Variants in CELF6 observed in about 807,000 individuals in gnomAD.
CELF6 encodes the protein CUGBP Elav-like family member 6.
In CELF6, 32 loss-of-function variants were observed where a neutral mutation model predicts 53.1. That is an observed-to-expected ratio of 0.60 (90% CI 0.46 to 0.81). CELF6 has a LOEUF of 0.81. Among genes scored for constraint, CELF6 ranks in the 30% least tolerant of loss-of-function variants. CELF6 has a pLI of 0.00. For synonymous variants in CELF6, 291 were observed against 288.8 expected, an observed-to-expected ratio of 1.01 and a Z score of -0.08; for missense variants, 539 against 669.5, an observed-to-expected ratio of 0.81 and a Z score of 2.15.
intron 2 of CELF6, among the ~76,000 whole-genome samples, chr15:72,308,934 C>A (rs935170571): frequency 1.2e-4 from 18 of 151,770 alleles, no homozygotes; most frequent in African/African-American, 3.6e-4. Context: ...AAACTCCTGA[C>A]CTGTGGTCTT....
chr15:72,306,434 C>G (rs1055429700), intron 2 of CELF6: 1 of 307,600 alleles, frequency 3.3e-6, no homozygotes, highest in African/African-American at 2.3e-5. Context: ...AGACAACAGG[C>G]AGCTTCCTGT....
Position 72,288,691 on chromosome 15 carries a change from G to T in CELF6, c.1094-73C>A. The T allele has an allele frequency of 6.9e-7, 1 of 1,452,056 alleles. No homozygotes were observed. Among genetic ancestry groups the T allele is most frequent in the South Asian group, 1.3e-5 (1 of 78,232 alleles). 89.9% of individuals were successfully genotyped at this position (1,452,056 alleles called of 1,614,324 possible). ...CAAGCAGGGCCCCAACTGCCTGGCCGCTTTTGACCAATTCAGCCCAGTCCA... is the reference window on the plus strand; with the variant it reads ...CAAGCAGGGCCCCAACTGCCTGGCCTCTTTTGACCAATTCAGCCCAGTCCA... On this transcript the variant is annotated intron_variant, in intron 9 of 12. Coordinates refer to ENST00000287202, the MANE Select transcript of CELF6 (RefSeq NM_052840.5). The surrounding 1 kb of genome is among the most constrained non-coding windows in gnomAD (Gnocchi z 4.6).
chr15:72,319,985 AG>A lies in CELF6; in HGVS notation c.-112del. The stretch of plus-strand genomic sequence containing the variant: ...GGGAGGGGGCGGAGCCCGGGCGGAG[AG>A]GGCGGGGGGCTGCCCAGGGGGCGGG... On this transcript the variant is annotated 5_prime_UTR_variant, in exon 1 of 13. Coordinates refer to ENST00000287202, the MANE Select transcript of CELF6 (RefSeq NM_052840.5). The surrounding 1 kb of genome is among the most constrained non-coding windows in gnomAD (Gnocchi z 5.0). The A allele has an allele frequency of 1.1e-6, 1 of 949,054 alleles. No homozygotes were observed. Among genetic ancestry groups the A allele is most frequent in the East Asian group, 8.8e-5 (1 of 11,312 alleles). The allele number at this position is 949,054 out of a possible 1,614,324, so 58.8% of individuals were successfully genotyped here. A position where few individuals can be genotyped will look rare whatever the true frequency, so the allele number is the denominator to read the frequency against.
Position 72,288,286 on chromosome 15 carries a change from T to G in CELF6, c.1318+22A>C, listed in dbSNP as rs200511432. Reference sequence around the variant, plus strand: ...TTTATAGTCAGAGGTGGGAGAGGCCTAGGGGTAGGTTCTCAGCTCACCAAA... The same window carrying G: ...TTTATAGTCAGAGGTGGGAGAGGCCGAGGGGTAGGTTCTCAGCTCACCAAA... On this transcript the variant is annotated intron_variant, in intron 11 of 12. Coordinates refer to ENST00000287202, the MANE Select transcript of CELF6 (RefSeq NM_052840.5). The surrounding 1 kb of genome is among the most constrained non-coding windows in gnomAD (Gnocchi z 4.6). 7.3e-5 allele frequency: 117 copies of G among 1,613,204 alleles called. No homozygotes were observed. Among genetic ancestry groups the G allele is most frequent in the Non-Finnish European group, 9.5e-5 (112 of 1,179,496 alleles).
chr15:72,290,088 G>A, intron 4 of CELF6, 39 bp downstream of exon 4: 1 of 1,613,168 alleles, frequency 6.2e-7, no homozygotes, highest in Non-Finnish European at 8.5e-7. Flanking sequence ...CCAGAGTGAG[G>A]AAGGGTCACC....
intron 2 of CELF6, chr15:72,306,285 C>G: frequency 1.0e-6 from 1 of 985,268 alleles, no homozygotes; most frequent in Non-Finnish European, 1.2e-6. Flanking sequence ...AAAACAGCGG[C>G]CTTCCCGTTC....
chr15:72,308,352 C>G (rs1269157778), intron 2 of CELF6, among the ~76,000 whole-genome samples: 1 of 152,028 alleles, frequency 6.6e-6, no homozygotes, highest in African/African-American at 2.4e-5. Context: ...CTCAGCCTCC[C>G]GAGTAGCTGG....
At chr15:72,296,927 A>C (rs1461497091) in intron 3 of CELF6, among the ~76,000 whole-genome samples, 1 of 152,202 alleles carries the variant, frequency 6.6e-6, no homozygotes, top group African/African-American at 2.4e-5. Context: ...TTACCATATG[A>C]TCTAGCAATA....
intron 3 of CELF6, among the ~76,000 whole-genome samples, chr15:72,294,066 C>T (rs956707875): frequency 7.2e-5 from 11 of 152,172 alleles, no homozygotes; most frequent in African/African-American, 2.7e-4. Flanking sequence ...CTGCCTTGTG[C>T]AGCTGGTCAT....
intron 2 of CELF6, among the ~76,000 whole-genome samples, chr15:72,306,882 G>A (rs897489776): frequency 5.5e-4 from 84 of 152,280 alleles, no homozygotes; most frequent in African/African-American, 2.0e-3. Context: ...GACACAGGGA[G>A]AGATGAAGAA....
chr15:72,311,959 T>C (rs1281846741), intron 2 of CELF6, among the ~76,000 whole-genome samples: 1 of 152,218 alleles, frequency 6.6e-6, no homozygotes, highest in Non-Finnish European at 1.5e-5. Flanking sequence ...AGGGCACAAC[T>C]TGCAAAAGCA....
chr15:72,288,323 G>A lies in CELF6; in HGVS notation c.1303C>T (p.Gln435Ter). ...AKVFVDRATNQSKCFGFVSFD... is the reference protein window; with the variant it reads ...AKVFVDRATN Reference sequence around the variant, plus strand: ...CTCAGCTCACCAAAACACTTGCTCTGGTTGGTGGCTCGATCCACAAAGACT... The same window carrying A: ...CTCAGCTCACCAAAACACTTGCTCTAGTTGGTGGCTCGATCCACAAAGACT... The change falls in exon 11 of 13, where the codon CAG (glutamine) becomes TAG (stop). Residue 435 changes from glutamine (Q) to a stop codon, truncating the protein, a stop_gained. Coordinates refer to ENST00000287202, the MANE Select transcript of CELF6 (RefSeq NM_052840.5). LOFTEE classifies it high-confidence loss of function. This position sits in a 1 kb window ranked among gnomAD's most constrained non-coding sequence, Gnocchi z 4.6. 6.2e-7 allele frequency: 1 copy of A among 1,614,168 alleles called. No homozygotes were observed. Among genetic ancestry groups the A allele is most frequent in the Non-Finnish European group, 8.5e-7 (1 of 1,180,026 alleles).
Position 72,289,503 on chromosome 15 carries a change from A to T in CELF6, c.752T>A (p.Leu251Gln), listed in dbSNP as rs768174997. Reference protein sequence around the residue: ...GACGAYTTAILQHQAALLAAA... With the variant: ...GACGAYTTAIQQHQAALLAAA... ...CGCCAGCAGGGCCGCCTGGTGCTGCAGGATCTTTGAGAGGAAAGATGGGCG... is the reference window on the plus strand; with the variant it reads ...CGCCAGCAGGGCCGCCTGGTGCTGCTGGATCTTTGAGAGGAAAGATGGGCG... Residue 251 changes from leucine (L) to glutamine (Q), a missense_variant, in exon 7 of 13, where the codon CTG becomes CAG. By Grantham distance (113) the Leu-to-Gln change is moderately radical. Transcript: ENST00000287202. The surrounding 1 kb of genome is among the most constrained non-coding windows in gnomAD (Gnocchi z 7.6). 3.7e-5 allele frequency: 56 copies of T among 1,514,208 alleles called. No homozygotes were observed. The highest frequency in any genetic ancestry group is 4.9e-5 in the South Asian group (4 of 82,124). The allele number at this position is 1,514,208 out of a possible 1,614,324, so 93.8% of individuals were successfully genotyped here.
Position 72,289,238 on chromosome 15 carries a change from C to G in CELF6, c.930G>C (p.Pro310=), listed in dbSNP as rs1048414809. The G allele has an allele frequency of 1.3e-5, 21 of 1,578,904 alleles. No homozygotes were observed. The highest frequency in any genetic ancestry group is 1.7e-5 in the Non-Finnish European group (20 of 1,167,972). Reference sequence around the variant, plus strand: ...CGAATCCATTGACCCCGATGGGCGCCGGAAGACCTGGGAGGGTGCCAGGGC... The same window carrying G: ...CGAATCCATTGACCCCGATGGGCGCGGGAAGACCTGGGAGGGTGCCAGGGC... ...GSGPGTLPGL[P]APIGVNGFGP... is the part of the protein sequence containing the mutation. The change falls in exon 8 of 13, where the codon CCG becomes CCC. Residue 310 remains proline (P), a synonymous_variant. Coordinates refer to ENST00000287202, the MANE Select transcript of CELF6 (RefSeq NM_052840.5). The surrounding 1 kb of genome is among the most constrained non-coding windows in gnomAD (Gnocchi z 7.6).
chr15:72,288,697 G>T lies in CELF6; in HGVS notation c.1094-79C>A. The T allele has an allele frequency of 7.0e-7, 1 of 1,437,652 alleles. No homozygotes were observed. The highest frequency in any genetic ancestry group is 1.3e-5 in the South Asian group (1 of 78,170). The allele number at this position is 1,437,652 out of a possible 1,614,324, so 89.1% of individuals were successfully genotyped here. ...GGGCCCCAACTGCCTGGCCGCTTTT[G>T]ACCAATTCAGCCCAGTCCACCATAA... is the stretch of plus-strand genomic sequence containing the variant. On this transcript the variant is annotated intron_variant, in intron 9 of 12. Coordinates refer to ENST00000287202, the MANE Select transcript of CELF6 (RefSeq NM_052840.5). This position sits in a 1 kb window ranked among gnomAD's most constrained non-coding sequence, Gnocchi z 4.6.
chr15:72,285,811 T>G lies in CELF6; in HGVS notation c.*560A>C, dbSNP rs368337850. On this transcript the variant is annotated 3_prime_UTR_variant, in exon 13 of 13. Coordinates refer to ENST00000287202, the MANE Select transcript of CELF6 (RefSeq NM_052840.5). ...GGTGGGGGAGTGGCTTAAGAGGGAA[T>G]GAGACACAGAACAATCTTTCCACAG... is the stretch of plus-strand genomic sequence containing the variant. The G allele has an allele frequency of 6.6e-6, 1 of 152,620 alleles. No individual in the cohort carries two copies. The highest frequency in any genetic ancestry group is 2.1e-4 in the South Asian group (1 of 4,828). The allele number at this position is 152,620 out of a possible 1,614,324, so 9.5% of individuals were successfully genotyped here.
rs530363410 is a variant in CELF6, at chr15:72,291,528, G to A, written c.395-1273C>T. ...TGACCAGCTTGGCTAGGCAGATGGGGGTCCTTGGATTCTGAGTGCAGGGAA... is the reference window on the plus strand; with the variant it reads ...TGACCAGCTTGGCTAGGCAGATGGGAGTCCTTGGATTCTGAGTGCAGGGAA... On this transcript the variant is annotated intron_variant, in intron 3 of 12. Coordinates refer to ENST00000287202, the MANE Select transcript of CELF6 (RefSeq NM_052840.5). 3.9e-5 allele frequency among the ~76,000 whole-genome samples: 6 copies of A among 152,282 alleles called. No homozygotes were observed. In the South Asian group the frequency reaches 1.2e-3, roughly 32 times the overall value.
intron 2 of CELF6, among the ~76,000 whole-genome samples, chr15:72,305,421 A>T (rs2088213090): frequency 6.6e-6 from 1 of 152,108 alleles, no homozygotes; most frequent in Non-Finnish European, 1.5e-5. Context: ...TGGCTAAGTT[A>T]TTCTTGAACT....
chr15:72,289,618 GGTACCTACCGCCGTGGT>G lies in CELF6; in HGVS notation c.739_747+8del. Reference sequence around the variant, plus strand: ...TGCGCGCCCTCGCACGCAGGTGCCCGGTACCTACCGCCGTGGTGTAGGCGCCGCAGGCCCCTAGCGGC... The same window carrying G: ...TGCGCGCCCTCGCACGCAGGTGCCCGGTAGGCGCCGCAGGCCCCTAGCGGC... On this transcript the variant is annotated splice_donor_variant and splice_donor_5th_base_variant and coding_sequence_variant and intron_variant, in exon 6 of 13. Coordinates refer to ENST00000287202, the MANE Select transcript of CELF6 (RefSeq NM_052840.5). LOFTEE classifies it high-confidence loss of function. This position sits in a 1 kb window ranked among gnomAD's most constrained non-coding sequence, Gnocchi z 7.6. 6.7e-7 allele frequency: 1 copy of G among 1,500,646 alleles called. No homozygotes were observed. The highest frequency in any genetic ancestry group is 8.8e-7 in the Non-Finnish European group (1 of 1,133,250). The allele number at this position is 1,500,646 out of a possible 1,614,324, so 93.0% of individuals were successfully genotyped here. A position where few individuals can be genotyped will look rare whatever the true frequency, so the allele number is the denominator to read the frequency against.
Sources: allele counts gnomAD v4.1 joint callset (sites outside exome capture counted in the v4.1 genomes callset), GRCh38; gene constraint gnomAD v4.1.1; non-coding constraint Gnocchi (gnomAD v3.1); transcripts MANE v1.5; gene names NCBI Gene and HGNC (gene_info 2026-07-23, HGNC 2026-07-21).